ALK: variants seen among roughly 807,000 people sequenced by gnomAD.
ALK encodes ALK tyrosine kinase receptor.
A neutral mutation model predicts 163.1 loss-of-function variants in ALK; 74 were observed. The ratio of observed to expected loss-of-function variants is 0.45; its 90% CI spans 0.38 to 0.55. ALK has a LOEUF of 0.55. Among genes scored for constraint, ALK ranks in the 20% least tolerant of loss-of-function variants. ALK has a pLI of 0.00. For synonymous variants in ALK, 960 were observed against 843.2 expected, an observed-to-expected ratio of 1.14 and a Z score of -2.40; for missense variants, 2,063 against 2,105.3, an observed-to-expected ratio of 0.98 and a Z score of 0.39.
intron 4 of ALK, among the ~76,000 whole-genome samples, chr2:29,421,979 G>A (rs1573339841): frequency 6.6e-6 from 1 of 151,620 alleles, no homozygotes; most frequent in African/African-American, 2.4e-5. Context: ...ACCTCCAAGA[G>A]TGCTTGGAAG....
chr2:29,761,091 T>C (rs1440063586), intron 1 of ALK, among the ~76,000 whole-genome samples: 1 of 152,120 alleles, frequency 6.6e-6, no homozygotes, highest in Non-Finnish European at 1.5e-5. Context: ...TGGAACCATG[T>C]TGTAGCAATG....
At chr2:29,832,472 G>A (rs1320357546) in intron 1 of ALK, among the ~76,000 whole-genome samples, 1 of 152,224 alleles carries the variant, frequency 6.6e-6, no homozygotes, top group African/African-American at 2.4e-5. Context: ...TGGGGGAAGA[G>A]GGATATGTAG....
At chr2:29,589,318 GGACAAATTGCCGT>G (rs1289237750) in intron 3 of ALK, among the ~76,000 whole-genome samples, 1 of 152,162 alleles carries the variant, frequency 6.6e-6, no homozygotes, top group African/African-American at 2.4e-5. Flanking sequence ...GTCACAGGCA[GGACAAATTGCCGT>G]GAATATACCA....
At chr2:29,660,358 T>C (rs1369287532) in intron 3 of ALK, among the ~76,000 whole-genome samples, 1 of 152,128 alleles carries the variant, frequency 6.6e-6, no homozygotes, top group Non-Finnish European at 1.5e-5. Context: ...TCAGAGGAAC[T>C]GGAAACAAGA....
chr2:29,299,054 A>G (rs1416094659), intron 8 of ALK, among the ~76,000 whole-genome samples: 1 of 152,232 alleles, frequency 6.6e-6, no homozygotes, highest in South Asian at 2.1e-4. Context: ...AACAGCTGGG[A>G]TGTAACTGCT....
At chr2:29,636,029 G>T (rs1200111875) in intron 3 of ALK, among the ~76,000 whole-genome samples, 1 of 152,050 alleles carries the variant, frequency 6.6e-6, no homozygotes, top group Non-Finnish European at 1.5e-5. Flanking sequence ...CAGAATCCCA[G>T]GAAGATTCTT....
chr2:29,644,941 C>T (rs568780258), intron 3 of ALK, among the ~76,000 whole-genome samples: 2 of 152,238 alleles, frequency 1.3e-5, no homozygotes, highest in South Asian at 2.1e-4. Context: ...TTCACTGGCT[C>T]TGGGTGCAAG....
chr2:29,640,462 G>A (rs562329958), intron 3 of ALK, among the ~76,000 whole-genome samples: 5 of 152,238 alleles, frequency 3.3e-5, no homozygotes, highest in African/African-American at 9.6e-5. Context: ...GCCAAGTGAT[G>A]TGCCTGCTTC....
chr2:29,345,004 A>C (rs1050978939), intron 5 of ALK, among the ~76,000 whole-genome samples: 1 of 152,204 alleles, frequency 6.6e-6, no homozygotes, highest in Non-Finnish European at 1.5e-5. Flanking sequence ...GTTGGTGCAA[A>C]AGCTATTTTG....
chr2:29,651,873 T>C (rs1215151751), intron 3 of ALK, among the ~76,000 whole-genome samples: 1 of 152,164 alleles, frequency 6.6e-6, no homozygotes, highest in African/African-American at 2.4e-5. Context: ...ACAAATACAA[T>C]AGCCTCTTGG....
rs571054275 is a variant in ALK at position 29,752,163 on chromosome 2, T to A, written c.668-34466A>T. Reference sequence around the variant, plus strand: ...AGCTATGTGCATTCAGTAGAAACCATATTTTAAATTTTGCCTTTTTTTGTT... The same window carrying A: ...AGCTATGTGCATTCAGTAGAAACCAAATTTTAAATTTTGCCTTTTTTTGTT... On this transcript the variant is annotated intron_variant, in intron 1 of 28. Transcript: ENST00000389048. Among the ~76,000 whole-genome samples, 92 of 152,246 alleles carry A rather than the reference T, an allele frequency of 6.0e-4. No homozygotes were observed. In the South Asian group the frequency reaches 0.018, roughly 31 times the overall value.
intron 1 of ALK, among the ~76,000 whole-genome samples, chr2:29,741,093 C>T (rs1680045962): frequency 6.6e-6 from 1 of 152,072 alleles, no homozygotes; most frequent in South Asian, 2.1e-4. Context: ...ATGAAAGATG[C>T]CAATCTGAAA....
At chr2:29,237,256 C>T (rs901472563) in intron 13 of ALK, among the ~76,000 whole-genome samples, 1 of 152,204 alleles carries the variant, frequency 6.6e-6, no homozygotes, top group African/African-American at 2.4e-5. Flanking sequence ...AATTCATTGT[C>T]TTGACCCTTC....
chr2:29,334,712 C>A (rs1033461326), intron 5 of ALK, among the ~76,000 whole-genome samples: 2 of 152,206 alleles, frequency 1.3e-5, no homozygotes, highest in Non-Finnish European at 2.9e-5. Flanking sequence ...CCAACTCCGC[C>A]CAGTCTCCTT....
chr2:29,482,492 T>C (rs775641153), intron 4 of ALK, among the ~76,000 whole-genome samples: 13 of 151,638 alleles, frequency 8.6e-5, no homozygotes, highest in Non-Finnish European at 1.2e-4. Context: ...AGAACAGAGG[T>C]TGAGGTTAGC....
chr2:29,460,297 T>C (rs1218583190), intron 4 of ALK, among the ~76,000 whole-genome samples: 1 of 152,212 alleles, frequency 6.6e-6, no homozygotes, highest in Non-Finnish European at 1.5e-5. Flanking sequence ...TTCTTAAATG[T>C]AAGGCATTGT....
intron 1 of ALK, among the ~76,000 whole-genome samples, chr2:29,734,797 A>G (rs1679846825): frequency 6.6e-6 from 1 of 152,098 alleles, no homozygotes; most frequent in Non-Finnish European, 1.5e-5. Context: ...AATATTTAAA[A>G]TCACTTAAAT....
At chr2:29,463,295 C>T (rs1293112329) in intron 4 of ALK, among the ~76,000 whole-genome samples, 2 of 152,164 alleles carry the variant, frequency 1.3e-5, no homozygotes, top group African/African-American at 4.8e-5. Flanking sequence ...AGAAGGATTC[C>T]AGACATTCCA....
chr2:29,718,063 T>G (rs929290939), intron 1 of ALK, among the ~76,000 whole-genome samples: 3 of 152,242 alleles, frequency 2.0e-5, no homozygotes, highest in African/African-American at 7.2e-5. Context: ...CTCGTCCAGA[T>G]AATGCCTCCA....
Sources: gnomAD v4.1 joint callset for allele counts (sites outside exome capture counted in the v4.1 genomes callset) on GRCh38, gnomAD v4.1.1 for gene constraint, MANE v1.5 for transcripts, NCBI Gene and HGNC (gene_info 2026-07-23, HGNC 2026-07-21) for gene names.